Variants in CERKL observed in about 807,000 individuals in gnomAD.
CERKL encodes the protein ceramide kinase-like protein.
A neutral mutation model predicts 63.4 loss-of-function variants in CERKL; 61 were observed. The ratio of observed to expected loss-of-function variants is 0.96; its 90% CI spans 0.78 to 1.19. The LOEUF (loss-of-function observed/expected upper bound fraction) is 1.19, where lower values mean the gene tolerates loss of function less well. CERKL is among the 50% of genes most tolerant of loss of function. The pLI is 0.00. For synonymous variants in CERKL, 250 were observed against 230.5 expected (o/e 1.08, Z -0.77); for missense variants, 675 against 655.5 (o/e 1.03, Z -0.33).
intron 11 of CERKL, 117 bp from the exon 12 acceptor site, chr2:181,539,381 T>A (rs1687385009): frequency 4.3e-6 from 3 of 693,484 alleles, no homozygotes; most frequent in Non-Finnish European, 7.5e-6. Flanking sequence ...GACATTTTAA[T>A]AGCTTTGAGA....
chr2:181,615,741 TTTAA>T (rs1334303400), intron 1 of CERKL, among the ~76,000 whole-genome samples: 10 of 152,222 alleles, frequency 6.6e-5, no homozygotes, highest in African/African-American at 1.7e-4. Context: ...TTAAACACAC[TTTAA>T]TTGTTAGAAG....
chr2:181,629,225 CA>C (rs1217336397), intron 1 of CERKL, among the ~76,000 whole-genome samples: 1 of 149,794 alleles, frequency 6.7e-6, no homozygotes, highest in Non-Finnish European at 1.5e-5. Flanking sequence ...AATGCCTAAC[CA>C]AAAAAAAAGG....
rs374070637 is a variant in CERKL, at chr2:181,538,100, G to A, written c.*84C>T. The A allele has an allele frequency of 1.1e-6, 1 of 916,312 alleles. No homozygotes were observed. 56.8% of individuals were successfully genotyped at this position (916,312 alleles called of 1,614,324 possible). ...TTCCATGAAACTGGTCCCAAAAAGGGTGGGGACCACAGGTTTAAAGCATGG... is the reference window on the plus strand; with the variant it reads ...TTCCATGAAACTGGTCCCAAAAAGGATGGGGACCACAGGTTTAAAGCATGG... On this transcript the variant is annotated 3_prime_UTR_variant, in exon 13 of 13. Coordinates refer to ENST00000410087, the MANE Select transcript of CERKL (RefSeq NM_201548.5).
rs374861744 is a variant in CERKL, at chr2:181,593,685, C to A, written c.481+10152G>T. 7.1e-4 allele frequency among the ~76,000 whole-genome samples: 108 copies of A among 152,098 alleles called. 1 individual carries two copies. The South Asian group carries it at 0.021, about 30-fold the overall frequency. On this transcript the variant is annotated intron_variant, in intron 2 of 12. Coordinates refer to ENST00000410087, the MANE Select transcript of CERKL (RefSeq NM_201548.5). ...TTTTGCCAATATAAAGGGTTCACAGCTTGATGGCTTTCCTTGCTAACCAAA... is the reference window on the plus strand; with the variant it reads ...TTTTGCCAATATAAAGGGTTCACAGATTGATGGCTTTCCTTGCTAACCAAA...
intron 2 of CERKL, among the ~76,000 whole-genome samples, chr2:181,599,656 CAT>C (rs1685374859): frequency 6.6e-6 from 1 of 151,768 alleles, no homozygotes; most frequent in Non-Finnish European, 1.5e-5. Context: ...GTTAGACAAA[CAT>C]AAAGAATCTG....
At chr2:181,613,162 C>T (rs1444839853) in intron 1 of CERKL, among the ~76,000 whole-genome samples, 1 of 152,172 alleles carries the variant, frequency 6.6e-6, no homozygotes, top group African/African-American at 2.4e-5. Context: ...CATCCCCTTG[C>T]TTCCCCTCCC....
chr2:181,609,022 A>T (rs2105901710), intron 1 of CERKL, among the ~76,000 whole-genome samples: 1 of 152,338 alleles, frequency 6.6e-6, no homozygotes, highest in South Asian at 2.1e-4. Context: ...GAGCCATTCA[A>T]AATCTACTGA....
rs781381927 is a variant in CERKL at position 181,637,912 on chromosome 2, C to CA, written c.238+18856dup. Among the ~76,000 whole-genome samples, 517 of 143,900 alleles carry CA rather than the reference C, an allele frequency of 3.6e-3. 2 individuals carry two copies. The highest frequency in any genetic ancestry group is 7.6e-3 in the African/African-American group (299 of 39,444). The allele number at this position is 143,900 out of a possible 152,430, so 94.4% of individuals were successfully genotyped here. A position where few individuals can be genotyped will look rare whatever the true frequency, so the allele number is the denominator to read the frequency against. ...TCCCTAGTAGTGTACACTCTATGAA[C>CA]AAAAAAAAAAATTGCAGGACTATCT... On this transcript the variant is annotated intron_variant, in intron 1 of 12. Transcript: ENST00000410087.
intron 1 of CERKL, among the ~76,000 whole-genome samples, chr2:181,622,975 C>T (rs1686520456): frequency 6.6e-6 from 1 of 152,114 alleles, no homozygotes; most frequent in Non-Finnish European, 1.5e-5. Flanking sequence ...GTACACTTAA[C>T]CAAAACTAAG....
intron 1 of CERKL, among the ~76,000 whole-genome samples, chr2:181,616,572 T>C (rs1686208457): frequency 1.3e-5 from 2 of 152,288 alleles, no homozygotes; most frequent in African/African-American, 4.8e-5. Flanking sequence ...TTAATACCTA[T>C]GATGTAAAAG....
intron 12 of CERKL, 21 bp downstream of exon 12, chr2:181,539,071 C>T (rs760323315): frequency 5.0e-5 from 74 of 1,482,586 alleles, no homozygotes; most frequent in Middle Eastern, 1.7e-4. Flanking sequence ...TGACAATAAG[C>T]GGTGAAATAA....
At chr2:181,545,319 A>G (rs886086803) in intron 10 of CERKL, among the ~76,000 whole-genome samples, 4 of 152,202 alleles carry the variant, frequency 2.6e-5, no homozygotes, top group African/African-American at 4.8e-5. Flanking sequence ...AAATGCTGCC[A>G]CACATGTTCA....
intron 1 of CERKL, among the ~76,000 whole-genome samples, chr2:181,611,581 A>G (rs1049961270): frequency 2.0e-5 from 3 of 152,154 alleles, no homozygotes; most frequent in African/African-American, 7.2e-5. Context: ...GCTACTCAGG[A>G]GGCTGAGGTA....
chr2:181,610,703 C>G (rs1430912850), intron 1 of CERKL, among the ~76,000 whole-genome samples: 1 of 152,100 alleles, frequency 6.6e-6, no homozygotes, highest in Non-Finnish European at 1.5e-5. Context: ...GTGGAAAACA[C>G]ACAACAAATT....
rs1688289672 is a variant in CERKL at position 181,558,193 on chromosome 2, G to A, written c.820+373C>T. 6.6e-6 allele frequency among the ~76,000 whole-genome samples: 1 copy of A among 152,116 alleles called. No individual in the cohort carries two copies. The highest frequency in any genetic ancestry group is 2.1e-4 in the South Asian group (1 of 4,820). On this transcript the variant is annotated intron_variant, in intron 5 of 12. Coordinates refer to ENST00000410087, the MANE Select transcript of CERKL (RefSeq NM_201548.5). This position sits in a 1 kb window ranked among gnomAD's most constrained non-coding sequence, Gnocchi z 4.2. ...AATTGTAAGCAGCTAGACTGGAGTG[G>A]CCCTGTTTTGAAACTTCTTACCTGG...
chr2:181,652,248 A>G (rs186669396), intron 1 of CERKL, among the ~76,000 whole-genome samples: 25 of 152,330 alleles, frequency 1.6e-4, no homozygotes, highest in African/African-American at 6.0e-4. Context: ...CTGACTTCGA[A>G]ATATACGATA....
At chr2:181,644,452 C>T (rs1687582786) in intron 1 of CERKL, among the ~76,000 whole-genome samples, 1 of 152,166 alleles carries the variant, frequency 6.6e-6, no homozygotes, top group Admixed American at 6.5e-5. Flanking sequence ...CATCAGGCAC[C>T]ACTGTAGTCA....
At chr2:181,624,706 A>C (rs1222298943) in intron 1 of CERKL, among the ~76,000 whole-genome samples, 1 of 148,046 alleles carries the variant, frequency 6.8e-6, no homozygotes, top group Non-Finnish European at 1.5e-5. Flanking sequence ...AAGAGGCAAC[A>C]GGATTTGTTG....
intron 2 of CERKL, among the ~76,000 whole-genome samples, chr2:181,576,654 A>T (rs1265347445): frequency 6.6e-6 from 1 of 152,200 alleles, no homozygotes; most frequent in African/African-American, 2.4e-5. Context: ...TGCTTTGCGG[A>T]AAGTAGATAA....
Sources: allele counts gnomAD v4.1 joint callset (sites outside exome capture counted in the v4.1 genomes callset), GRCh38; gene constraint gnomAD v4.1.1; non-coding constraint Gnocchi (gnomAD v3.1); transcripts MANE v1.5; gene names NCBI Gene and HGNC (gene_info 2026-07-23, HGNC 2026-07-21).